ZNF536: variants seen among roughly 807,000 people sequenced by gnomAD.
The protein encoded by ZNF536 is zinc finger protein 536.
Under a neutral mutation model 84.5 loss-of-function variants are expected in ZNF536, and 13 were observed. That is an observed-to-expected ratio of 0.15 (90% confidence interval 0.10 to 0.24). The LOEUF (loss-of-function observed/expected upper bound fraction) is 0.24, where lower values mean the gene tolerates loss of function less well. Among genes scored for constraint, ZNF536 ranks in the 10% least tolerant of loss-of-function variants. The pLI, the probability that ZNF536 is intolerant of heterozygous loss-of-function variation, is 1.00. For missense variants in ZNF536, 1,536 were observed against 1,747.5 expected (o/e 0.88, Z 2.16); for synonymous variants, 811 against 742.5 (o/e 1.09, Z -1.50).
intron 2 of ZNF536, among the ~76,000 whole-genome samples, chr19:30,517,394 G>A (rs1177769507): frequency 6.6e-6 from 1 of 152,126 alleles, no homozygotes; most frequent in South Asian, 2.1e-4. Flanking sequence ...CCTGCAGGGT[G>A]GGGGCCAGCC....
Position 30,680,378 on chromosome 19 carries a change from A to G in ZNF536, c.170-30379A>G, listed in dbSNP as rs1188604833. Among the ~76,000 whole-genome samples the G allele has an allele frequency of 7.4e-5, 11 of 148,270 alleles. No individual in the cohort carries two copies. In the East Asian group the frequency reaches 2.3e-3, roughly 30 times the overall value. On this transcript the variant is annotated intron_variant, in intron 1 of 1. Transcript: ENST00000592773. Reference sequence around the variant, plus strand: ...TAACTCGTCATTTAGCATTAGGTATATCTCCTAAAGCTATCCCTCCCCCCT... The same window carrying G: ...TAACTCGTCATTTAGCATTAGGTATGTCTCCTAAAGCTATCCCTCCCCCCT...
intron 2 of ZNF536, among the ~76,000 whole-genome samples, chr19:30,318,849 C>A (rs557763087): frequency 2.8e-4 from 43 of 152,308 alleles, no homozygotes; most frequent in Admixed American, 1.8e-3. Flanking sequence ...TCACCCAGGG[C>A]CACTCCATTT....
intron 1 of ZNF536, among the ~76,000 whole-genome samples, chr19:30,276,205 C>T (rs1429343782): frequency 6.6e-6 from 1 of 152,094 alleles, no homozygotes; most frequent in Non-Finnish European, 1.5e-5. Context: ...CAGATTGTCA[C>T]TTAAAAGCTA....
At chr19:30,465,910 C>G (rs1228178692) in intron 2 of ZNF536, among the ~76,000 whole-genome samples, 1 of 151,976 alleles carries the variant, frequency 6.6e-6, no homozygotes, top group African/African-American at 2.4e-5. Flanking sequence ...GCCACCACAC[C>G]CAGCTAATTT....
intron 2 of ZNF536, among the ~76,000 whole-genome samples, chr19:30,331,812 G>T (rs4805549): frequency 0.3 from 45,296 of 151,862 alleles, 6,804 homozygotes; most frequent in Middle Eastern, 0.41. Flanking sequence ...CTCACCCAGG[G>T]ACCCTTCAGC....
intron 1 of ZNF536, among the ~76,000 whole-genome samples, chr19:30,436,709 A>C (rs977989665): frequency 6.6e-6 from 1 of 152,230 alleles, no homozygotes; most frequent in Non-Finnish European, 1.5e-5. Flanking sequence ...ATTGTATTCT[A>C]GGTGAAATTG....
At chr19:30,283,328 AC>A (rs1219381019) in intron 1 of ZNF536, among the ~76,000 whole-genome samples, 1 of 151,994 alleles carries the variant, frequency 6.6e-6, no homozygotes, top group African/African-American at 2.4e-5. Context: ...TTCCTTGATT[AC>A]CCCCTAGCCA....
chr19:30,248,714 A>G (rs1599879024), intron 1 of ZNF536, among the ~76,000 whole-genome samples: 1 of 152,118 alleles, frequency 6.6e-6, no homozygotes, highest in African/African-American at 2.4e-5. Context: ...GTGGGACAAC[A>G]TGTTATTAGT....
intron 1 of ZNF536, among the ~76,000 whole-genome samples, chr19:30,261,114 T>C (rs202092085): frequency 0.25 from 37,755 of 149,986 alleles, 4,650 homozygotes; most frequent in Middle Eastern, 0.32. Flanking sequence ...CTGGCTAAAA[T>C]GGTGAAACCC....
At chr19:30,403,543 T>C (rs2050140391) in intron 1 of ZNF536, among the ~76,000 whole-genome samples, 1 of 152,218 alleles carries the variant, frequency 6.6e-6, no homozygotes, top group Non-Finnish European at 1.5e-5. Context: ...TTCTCTCTTC[T>C]TTCTGCTGAA....
chr19:30,640,832 G>A (rs1468664766), intron 1 of ZNF536, among the ~76,000 whole-genome samples: 1 of 152,218 alleles, frequency 6.6e-6, no homozygotes, highest in Admixed American at 6.5e-5. Flanking sequence ...CCAGACCTGG[G>A]CTAGGGCCTC....
intron 3 of ZNF536, among the ~76,000 whole-genome samples, chr19:30,541,364 C>T (rs2045324846): frequency 6.7e-6 from 1 of 150,004 alleles, no homozygotes; most frequent in African/African-American, 2.5e-5. Context: ...GCATTTTTGC[C>T]GTTAGTGGGG....
intron 3 of ZNF536, among the ~76,000 whole-genome samples, chr19:30,363,497 TG>T (rs1223193529): frequency 1.1e-4 from 16 of 152,078 alleles, no homozygotes; most frequent in African/African-American, 3.9e-4. Flanking sequence ...ACACAGAGCC[TG>T]GCTACTCTAC....
intron 2 of ZNF536, among the ~76,000 whole-genome samples, chr19:30,333,701 C>T (rs2047290220): frequency 6.6e-6 from 1 of 152,196 alleles, no homozygotes; most frequent in Non-Finnish European, 1.5e-5. Flanking sequence ...CAAAAAGTGA[C>T]CTTGGACTGT....
At chr19:30,571,775 C>G (rs749445143) in intron 1 of ZNF536, among the ~76,000 whole-genome samples, 8 of 152,136 alleles carry the variant, frequency 5.3e-5, no homozygotes, top group Non-Finnish European at 8.8e-5. Context: ...TGTTAGACAG[C>G]CTGCTTTATT....
At chr19:30,285,992 T>C (rs966382857) in intron 2 of ZNF536, among the ~76,000 whole-genome samples, 7 of 152,188 alleles carry the variant, frequency 4.6e-5, no homozygotes. Context: ...TTTTCGGAAG[T>C]CTTTGGCTTT....
intron 1 of ZNF536, among the ~76,000 whole-genome samples, chr19:30,620,763 C>T (rs766416844): frequency 2.6e-5 from 4 of 152,000 alleles, no homozygotes; most frequent in African/African-American, 4.8e-5. Context: ...GAATGACACA[C>T]GAAATGCAAA....
At chr19:30,519,997 A>G (rs1323445471) in intron 2 of ZNF536, among the ~76,000 whole-genome samples, 2 of 152,236 alleles carry the variant, frequency 1.3e-5, no homozygotes, top group Non-Finnish European at 1.5e-5. Flanking sequence ...AGCAAATGAC[A>G]TTGGAGCTGA....
chr19:30,447,129 T>C (rs1217727949), intron 2 of ZNF536, among the ~76,000 whole-genome samples: 1 of 152,236 alleles, frequency 6.6e-6, no homozygotes, highest in Non-Finnish European at 1.5e-5. Flanking sequence ...AGGCACTGCC[T>C]TGCCCACTGT....
Sources: allele counts gnomAD v4.1 joint callset (sites outside exome capture counted in the v4.1 genomes callset), GRCh38; gene constraint gnomAD v4.1.1; transcripts MANE v1.5; gene names NCBI Gene and HGNC (gene_info 2026-07-23, HGNC 2026-07-21).